SFSWAP: variants seen among roughly 807,000 people sequenced by gnomAD.
SFSWAP encodes the protein splicing factor, suppressor of white-apricot homolog.
A neutral mutation model predicts 100.7 loss-of-function variants in SFSWAP; 17 were observed. The ratio of observed to expected loss-of-function variants is 0.17; its 90% CI spans 0.12 to 0.25. The LOEUF (loss-of-function observed/expected upper bound fraction) is 0.25, where lower values mean the gene tolerates loss of function less well. Among genes scored for constraint, SFSWAP ranks in the 10% least tolerant of loss-of-function variants. The probability of loss-of-function intolerance (pLI) is 1.00; values close to 1 mark genes in which losing one functional copy is unlikely to be tolerated. For synonymous variants in SFSWAP, 504 were observed against 510.1 expected (o/e 0.99, Z 0.16); for missense variants, 1,005 against 1,262.6 (o/e 0.80, Z 3.09).
intron 12 of SFSWAP, 59 bp downstream of exon 12, chr12:131,764,745 TCTG>T: frequency 7.9e-7 from 1 of 1,272,636 alleles, no homozygotes; most frequent in Non-Finnish European, 1.1e-6. Context: ...ATAAGATTTA[TCTG>T]CTAAGCCAAA....
rs557507249 is a variant in SFSWAP, at chr12:131,722,210, C to CCTAATGATGA, written c.606+2673_606+2682dup. Among the ~76,000 whole-genome samples, 8 of 152,242 alleles carry CCTAATGATGA rather than the reference C, an allele frequency of 5.3e-5. No individual in the cohort carries two copies. In the East Asian group the frequency reaches 1.5e-3, roughly 29 times the overall value. On this transcript the variant is annotated intron_variant, in intron 4 of 17. Coordinates refer to ENST00000261674, the MANE Select transcript of SFSWAP (RefSeq NM_004592.4). The stretch of plus-strand genomic sequence containing the variant: ...TTTTAAACTAACTGTTGGTTTAGAA[C>CCTAATGATGA]CTAATGATGACAGGATCCTTGAGGC...
intron 3 of SFSWAP, among the ~76,000 whole-genome samples, chr12:131,715,157 C>T (rs974752817): frequency 1.3e-5 from 2 of 152,172 alleles, no homozygotes; most frequent in African/African-American, 2.4e-5. Flanking sequence ...AAAGTGAATG[C>T]GTTGGATTAT....
At chr12:131,797,009 TAAATG>T in intron 15 of SFSWAP, 164 bp from the exon 16 acceptor site, 1 of 632,278 alleles carries the variant, frequency 1.6e-6, no homozygotes, top group Non-Finnish European at 2.8e-6. Flanking sequence ...TGTTATCAGT[TAAATG>T]AAATAAGTAG....
At chr12:131,754,748 C>T (rs1278929835) in intron 9 of SFSWAP, among the ~76,000 whole-genome samples, 3 of 143,708 alleles carry the variant, frequency 2.1e-5, no homozygotes, top group Admixed American at 7.5e-5. Flanking sequence ...ATTCTCCTGT[C>T]TCAGCCTCCT....
intron 13 of SFSWAP, among the ~76,000 whole-genome samples, chr12:131,773,699 A>G (rs1399622713): frequency 6.6e-6 from 1 of 152,216 alleles, no homozygotes; most frequent in African/African-American, 2.4e-5. Context: ...TAAGAGTTTG[A>G]AAAGGAAATA....
intron 11 of SFSWAP, among the ~76,000 whole-genome samples, chr12:131,760,180 A>G (rs1200823414): frequency 6.6e-6 from 1 of 152,224 alleles, no homozygotes; most frequent in Admixed American, 6.5e-5. Context: ...TGTCTTAAGA[A>G]CTGAAGCTGT....
At chr12:131,781,064 T>C (rs1884461635) in intron 14 of SFSWAP, among the ~76,000 whole-genome samples, 1 of 152,154 alleles carries the variant, frequency 6.6e-6, no homozygotes, top group Non-Finnish European at 1.5e-5. Context: ...ACTTGGAATT[T>C]CAGGTTTCTA....
At chr12:131,715,143 G>A (rs557370726) in intron 3 of SFSWAP, among the ~76,000 whole-genome samples, 190 bp downstream of exon 3, 36 of 152,352 alleles carry the variant, frequency 2.4e-4, no homozygotes, top group African/African-American at 7.9e-4. Flanking sequence ...ATTAATGGAG[G>A]TGGAAAGTGA....
intron 7 of SFSWAP, among the ~76,000 whole-genome samples, chr12:131,751,426 G>A (rs1881614392): frequency 1.3e-5 from 2 of 152,212 alleles, no homozygotes; most frequent in African/African-American, 4.8e-5. Flanking sequence ...GGAGGCTGGA[G>A]ACCTGACAGT....
intron 17 of SFSWAP, 108 bp downstream of exon 17, chr12:131,799,217 G>C: frequency 9.3e-7 from 1 of 1,079,114 alleles, no homozygotes; most frequent in East Asian, 2.5e-5. Flanking sequence ...TCATGGGACA[G>C]GGATCTCGGG....
At chr12:131,785,297 A>C in intron 14 of SFSWAP, 9 of 1,418,060 alleles carry the variant, frequency 6.3e-6, no homozygotes, top group South Asian at 1.3e-5. Context: ...AAAAATCAAA[A>C]CGATTCTGTC....
chr12:131,746,040 A>G (rs1881072247), intron 7 of SFSWAP, among the ~76,000 whole-genome samples: 1 of 152,258 alleles, frequency 6.6e-6, no homozygotes, highest in South Asian at 2.1e-4. Flanking sequence ...GAAATTTGCT[A>G]CATATTGCAT....
chr12:131,755,293 T>G, intron 9 of SFSWAP, 93 bp from the exon 10 acceptor site: 5 of 852,478 alleles, frequency 5.9e-6, no homozygotes, highest in Non-Finnish European at 9.7e-6. Context: ...GTGGGATTGT[T>G]GAGATCAGTA....
In SFSWAP at chr12:131,799,124, C is replaced by G; in HGVS notation, c.2790+15C>G. ...AAATCACTCAGGTCAGTGGGCACGCCCCCCTCCCGCTCCCAGCCTTTCATC... is the reference window on the plus strand; with the variant it reads ...AAATCACTCAGGTCAGTGGGCACGCGCCCCTCCCGCTCCCAGCCTTTCATC... On this transcript the variant is annotated intron_variant, in intron 17 of 17. Coordinates refer to ENST00000261674, the MANE Select transcript of SFSWAP (RefSeq NM_004592.4). 1 of 1,601,826 alleles carries G rather than the reference C, an allele frequency of 6.2e-7. No individual in the cohort carries two copies. Among genetic ancestry groups the G allele is most frequent in the Non-Finnish European group, 8.6e-7 (1 of 1,168,808 alleles).
chr12:131,797,072 G>A (rs537514390), intron 15 of SFSWAP, 106 bp from the exon 16 acceptor site: 4 of 934,928 alleles, frequency 4.3e-6, no homozygotes, highest in Non-Finnish European at 6.6e-6. Context: ...CCTGAATTGT[G>A]CCTTGATGAA....
intron 16 of SFSWAP, among the ~76,000 whole-genome samples, chr12:131,797,864 C>T (rs1389681582): frequency 6.6e-6 from 1 of 152,236 alleles, no homozygotes; most frequent in Non-Finnish European, 1.5e-5. Flanking sequence ...CCCTCCGCTG[C>T]CCAGGCACCC....
intron 3 of SFSWAP, among the ~76,000 whole-genome samples, chr12:131,719,056 G>C (rs1878203114): frequency 6.6e-6 from 1 of 152,146 alleles, no homozygotes; most frequent in Non-Finnish European, 1.5e-5. Context: ...TCAGATTGAG[G>C]GATGTGAGAC....
chr12:131,787,382 C>G (rs1449771657), intron 15 of SFSWAP, among the ~76,000 whole-genome samples: 1 of 152,204 alleles, frequency 6.6e-6, no homozygotes, highest in Non-Finnish European at 1.5e-5. Flanking sequence ...GGGGTGCCAT[C>G]TCACGAGCGC....
At chr12:131,798,394 C>T (rs964941499) in intron 16 of SFSWAP, among the ~76,000 whole-genome samples, 2 of 152,198 alleles carry the variant, frequency 1.3e-5, no homozygotes, top group Non-Finnish European at 1.5e-5. Flanking sequence ...ACAGACGCCT[C>T]ATGCACAGGC....
Sources: allele counts gnomAD v4.1 joint callset (sites outside exome capture counted in the v4.1 genomes callset), GRCh38; gene constraint gnomAD v4.1.1; transcripts MANE v1.5; gene names NCBI Gene and HGNC (gene_info 2026-07-23, HGNC 2026-07-21).